PTPN13: variants seen among roughly 807,000 people sequenced by gnomAD.
PTPN13 encodes the protein tyrosine-protein phosphatase non-receptor type 13.
PTPN13 carries 191 observed loss-of-function variants against 284.0 expected under a neutral mutation model. The ratio of observed to expected loss-of-function variants is 0.67; its 90% CI spans 0.60 to 0.76. The LOEUF is 0.76. Among genes scored for constraint, PTPN13 ranks in the 30% least tolerant of loss-of-function variants. The probability of loss-of-function intolerance (pLI) is 0.00; values close to 1 mark genes in which losing one functional copy is unlikely to be tolerated. For synonymous variants in PTPN13, 986 were observed against 1,022.3 expected (o/e 0.96, Z 0.68); for missense variants, 2,797 against 2,939.9 (o/e 0.95, Z 1.12).
At chr4:86,609,917 A>G (rs187189419) in intron 1 of PTPN13, among the ~76,000 whole-genome samples, 1 of 152,332 alleles carries the variant, frequency 6.6e-6, no homozygotes, top group Admixed American at 6.5e-5. Context: ...CTAGATACAT[A>G]GAAATTTTTA....
intron 1 of PTPN13, among the ~76,000 whole-genome samples, chr4:86,599,939 T>A (rs1370004779): frequency 2.6e-5 from 4 of 152,158 alleles, no homozygotes; most frequent in African/African-American, 7.2e-5. Context: ...AAATGTGATG[T>A]CCCAAAATAC....
chr4:86,734,872 A>G lies in PTPN13; in HGVS notation c.2148A>G (p.Pro716=), dbSNP rs1180177289. The change falls in exon 14 of 48, where the codon CCA becomes CCG. Residue 716 remains proline (P), a synonymous_variant. Transcript: ENST00000411767. ...AGGCTGAGTATGGAGATTATCAACC[A>G]GAGGTAGGATTTGTGTTTTTTTCCA... The part of the protein sequence containing the change: ...ALQAEYGDYQ[P]EVHGVSYFRM... The G allele has an allele frequency of 6.2e-7, 1 of 1,609,614 alleles. No homozygotes were observed. The highest frequency in any genetic ancestry group is 8.5e-7 in the Non-Finnish European group (1 of 1,176,750).
intron 38 of PTPN13, 64 bp from the exon 39 acceptor site, chr4:86,785,166 AC>A (rs1741748897): frequency 3.1e-6 from 4 of 1,276,168 alleles, no homozygotes; most frequent in African/African-American, 1.5e-5. Context: ...TCTGTTTAAC[AC>A]CTTGTCCCTT....
rs573214766 is a variant in PTPN13, at chr4:86,736,616, T to A, written c.2304+870T>A. Among the ~76,000 whole-genome samples the A allele has an allele frequency of 2.6e-5, 4 of 152,330 alleles. No individual in the cohort carries two copies. In the South Asian group the frequency reaches 8.3e-4, roughly 32 times the overall value. ...AGATATTAAATTATGGACTTATACT[T>A]TTCTTAGTTATTACATTTTTATACT... is the stretch of plus-strand genomic sequence containing the variant. On this transcript the variant is annotated intron_variant, in intron 15 of 47. Transcript: ENST00000411767.
chr4:86,752,596 A>G (rs996596113), intron 19 of PTPN13, among the ~76,000 whole-genome samples: 3 of 152,144 alleles, frequency 2.0e-5, no homozygotes, highest in African/African-American at 7.2e-5. Flanking sequence ...CTACATGAAA[A>G]TTCATTACAT....
At chr4:86,733,256 C>G (rs1392368199) in intron 12 of PTPN13, among the ~76,000 whole-genome samples, 7 of 152,062 alleles carry the variant, frequency 4.6e-5, no homozygotes, top group Non-Finnish European at 8.8e-5. Flanking sequence ...ATGATGTTCA[C>G]AACCACAGTG....
chr4:86,716,347 C>T (rs1188636088), intron 7 of PTPN13, among the ~76,000 whole-genome samples, 183 bp from the exon 8 acceptor site: 2 of 152,126 alleles, frequency 1.3e-5, no homozygotes, highest in Non-Finnish European at 2.9e-5. Flanking sequence ...CTCCAGAGTC[C>T]GTGCTCATAA....
intron 7 of PTPN13, among the ~76,000 whole-genome samples, chr4:86,708,714 C>G (rs1318738150): frequency 6.6e-6 from 1 of 151,994 alleles, no homozygotes; most frequent in East Asian, 1.9e-4. Flanking sequence ...TTATTTCATC[C>G]CAGTCCCCTT....
chr4:86,787,624 T>C (rs1001593939), intron 40 of PTPN13, among the ~76,000 whole-genome samples: 2 of 151,636 alleles, frequency 1.3e-5, no homozygotes, highest in Non-Finnish European at 2.9e-5. Context: ...TTTAAAAACA[T>C]ATTTATCTTA....
At chr4:86,683,633 T>G (rs1180941334) in intron 3 of PTPN13, among the ~76,000 whole-genome samples, 1 of 152,192 alleles carries the variant, frequency 6.6e-6, no homozygotes, top group Non-Finnish European at 1.5e-5. Flanking sequence ...CTGGGCATCC[T>G]TTGGTCCAAT....
At chr4:86,741,856 A>G (rs751394116) in intron 16 of PTPN13, 40 bp downstream of exon 16, 9 of 1,504,898 alleles carry the variant, frequency 6.0e-6, no homozygotes, top group South Asian at 1.3e-5. Flanking sequence ...TTTTCAAATG[A>G]TATTACCAAC....
chr4:86,782,306 G>A (rs1417454284), intron 37 of PTPN13, 44 bp downstream of exon 37: 2 of 1,476,722 alleles, frequency 1.4e-6, no homozygotes, highest in Non-Finnish European at 1.9e-6. Context: ...CTCCTTATCT[G>A]AGGAACTGCA....
chr4:86,731,398 C>G (rs10028357), intron 10 of PTPN13, among the ~76,000 whole-genome samples: 12,452 of 152,252 alleles, frequency 0.082, 646 homozygotes, highest in Non-Finnish European at 0.11. Context: ...TTGAGAAGCA[C>G]TAAATACAGA....
At chr4:86,814,000 CTTTTTTTTTTTTTT>C (rs535405150) in intron 47 of PTPN13, among the ~76,000 whole-genome samples, 1 of 100,044 alleles carries the variant, frequency 1.0e-5, no homozygotes, top group Admixed American at 1.1e-4. Context: ...TACCCTGCTT[CTTTTTTTTTTTTTT>C]TTTTTTTTTT....
intron 2 of PTPN13, among the ~76,000 whole-genome samples, chr4:86,655,661 G>A (rs936216889): frequency 6.6e-6 from 1 of 152,128 alleles, no homozygotes; most frequent in Non-Finnish European, 1.5e-5. Context: ...CTTTCTCTCT[G>A]GCTGCCCTTA....
intron 23 of PTPN13, among the ~76,000 whole-genome samples, 190 bp from the exon 24 acceptor site, chr4:86,762,537 A>C (rs1238350027): frequency 6.6e-6 from 1 of 152,220 alleles, no homozygotes; most frequent in Non-Finnish European, 1.5e-5. Flanking sequence ...AGGGGTATGC[A>C]TTTCAATAGA....
intron 2 of PTPN13, among the ~76,000 whole-genome samples, chr4:86,647,167 C>T (rs1466289035): frequency 1.3e-5 from 2 of 152,110 alleles, no homozygotes; most frequent in African/African-American, 2.4e-5. Flanking sequence ...AATAGTTTCA[C>T]AGGCATATTC....
intron 1 of PTPN13, among the ~76,000 whole-genome samples, chr4:86,630,641 G>A (rs1383617081): frequency 1.3e-5 from 2 of 152,136 alleles, no homozygotes; most frequent in Non-Finnish European, 2.9e-5. Flanking sequence ...CCTTAGCCTG[G>A]ATGGTGAGTG....
intron 27 of PTPN13, among the ~76,000 whole-genome samples, chr4:86,767,332 G>A (rs1739448127): frequency 1.3e-5 from 2 of 148,680 alleles, no homozygotes; most frequent in Non-Finnish European, 3.0e-5. Flanking sequence ...TGCAACCTCC[G>A]CCTCCCAGAG....
Sources: gnomAD v4.1 joint callset for allele counts (sites outside exome capture counted in the v4.1 genomes callset) on GRCh38, gnomAD v4.1.1 for gene constraint, MANE v1.5 for transcripts, NCBI Gene and HGNC (gene_info 2026-07-23, HGNC 2026-07-21) for gene names.